VGLL4: variants seen among roughly 807,000 people sequenced by gnomAD.
VGLL4 encodes the protein vestigial like family member 4.
VGLL4 carries 7 observed loss-of-function variants against 21.0 expected under a neutral mutation model. That is an observed-to-expected ratio of 0.33 (90% CI 0.19 to 0.63). VGLL4 has a LOEUF of 0.63. VGLL4 is among the 20% of genes least tolerant of loss of function. The pLI is 0.78. For synonymous variants in VGLL4, 222 were observed against 173.2 expected, an observed-to-expected ratio of 1.28 and a Z score of -2.21; for missense variants, 394 against 425.7, an observed-to-expected ratio of 0.93 and a Z score of 0.66.
intron 1 of VGLL4, among the ~76,000 whole-genome samples, chr3:11,717,567 C>A (rs778535835): frequency 6.1e-4 from 86 of 139,968 alleles, no homozygotes; most frequent in Admixed American, 2.5e-3. Flanking sequence ...TCTGGAACTC[C>A]TGGCCTCAAG....
intron 1 of VGLL4, among the ~76,000 whole-genome samples, chr3:11,634,678 G>GT (rs34133251): frequency 3.4e-5 from 5 of 147,720 alleles, no homozygotes; most frequent in Non-Finnish European, 6.0e-5. Context: ...GAGGACTCAG[G>GT]TTTTTTTTTT....
At position 11,719,218 on chromosome 3, in the gene VGLL4, C is replaced by T. The variant is rs1289382266; in HGVS notation, c.-14+1176G>A. On this transcript the variant is annotated intron_variant, in intron 1 of 5. Coordinates refer to the VGLL4 transcript ENST00000273038. This position sits in a 1 kb window ranked among gnomAD's most constrained non-coding sequence, Gnocchi z 4.0. ...GGCCTCCTCGCCCGCCCCGAGCCTC[C>T]GACTCCCAGGACGTCCTCCGGGAGC... 6.6e-6 allele frequency among the ~76,000 whole-genome samples: 1 copy of T among 152,106 alleles called. No homozygotes were observed. The highest frequency in any genetic ancestry group is 6.5e-5 in the Admixed American group (1 of 15,290).
intron 1 of VGLL4, among the ~76,000 whole-genome samples, chr3:11,602,793 C>G (rs993087456): frequency 6.6e-6 from 1 of 152,184 alleles, no homozygotes; most frequent in African/African-American, 2.4e-5. Flanking sequence ...TAGGCAATCA[C>G]TTTGTGCCTC....
chr3:11,704,662 T>A (rs905967787), intron 1 of VGLL4, among the ~76,000 whole-genome samples: 1 of 152,054 alleles, frequency 6.6e-6, no homozygotes, highest in East Asian at 1.9e-4. Context: ...GTAAATAAGT[T>A]TGAGGAAGCC....
At chr3:11,627,230 A>ACACACACACACACACACT in intron 1 of VGLL4, 1 of 123,322 alleles carries the variant, frequency 8.1e-6, no homozygotes, top group African/African-American at 3.3e-5. Flanking sequence ...ACACACACAC[A>ACACACACACACACACACT]CTCTCTCTCT....
chr3:11,715,195 C>A (rs2124829765), intron 1 of VGLL4, among the ~76,000 whole-genome samples: 1 of 151,342 alleles, frequency 6.6e-6, no homozygotes, highest in East Asian at 1.9e-4. Flanking sequence ...CTTCCCAGAA[C>A]AGCCCAGGTC....
chr3:11,706,841 G>T (rs554485358), intron 1 of VGLL4, among the ~76,000 whole-genome samples: 2 of 152,318 alleles, frequency 1.3e-5, no homozygotes, highest in East Asian at 3.9e-4. Context: ...TGACTAGCTA[G>T]AACTGAAAAT....
chr3:11,583,038 A>G (rs955527425), intron 2 of VGLL4, among the ~76,000 whole-genome samples: 5 of 152,324 alleles, frequency 3.3e-5, no homozygotes, highest in Non-Finnish European at 5.9e-5. Context: ...TGTCTTAGCC[A>G]TACGCCAGCA....
At chr3:11,604,264 G>GCGCCCCCCCCCCCCCC (rs1575442679) in intron 1 of VGLL4, 2 of 571,008 alleles carry the variant, frequency 3.5e-6, no homozygotes, top group African/African-American at 5.2e-5. Context: ...AGCCCAGGAA[G>GCGCCCCCCCCCCCCCC]CACGGTTTGC....
At position 11,605,865 on chromosome 3, in the gene VGLL4, A is replaced by C. The variant is rs542314400; in HGVS notation, c.83-3843T>G. 6.6e-5 allele frequency among the ~76,000 whole-genome samples: 10 copies of C among 152,386 alleles called. No individual in the cohort carries two copies. The South Asian group carries it at 1.4e-3, about 22-fold the overall frequency. On this transcript the variant is annotated intron_variant, in intron 1 of 4. Transcript: ENST00000430365. ...AGTGTTTAAAGATCTATTTAAAAAT[A>C]TAAGAACTCTTACAACAATTAAAAA...
chr3:11,669,455 A>G (rs1186322273), intron 2 of VGLL4, among the ~76,000 whole-genome samples: 1 of 152,214 alleles, frequency 6.6e-6, no homozygotes, highest in Admixed American at 6.5e-5. Flanking sequence ...ATAGTGGAAA[A>G]TATCCTTTGA....
chr3:11,694,087 C>G (rs768661204), intron 2 of VGLL4, among the ~76,000 whole-genome samples: 3 of 152,044 alleles, frequency 2.0e-5, no homozygotes, highest in Non-Finnish European at 4.4e-5. Flanking sequence ...TAAAATGGGA[C>G]TAATTATAGT....
chr3:11,718,815 TATTA>T (rs903085515), intron 1 of VGLL4, among the ~76,000 whole-genome samples: 4 of 152,016 alleles, frequency 2.6e-5, no homozygotes, highest in Admixed American at 6.6e-5. Flanking sequence ...TGCTGGTTCT[TATTA>T]ATCACAGAGA....
At position 11,637,019 on chromosome 3, in the gene VGLL4, T is replaced by A. The variant is rs1286723511; in HGVS notation, c.82+6418A>T. On this transcript the variant is annotated intron_variant, in intron 1 of 4. Transcript: ENST00000430365. ...ACTTTAAAAGATCTCACAAAAAAGATACAAAAGAAGGCATACAGGCATCTC... is the reference window on the plus strand; with the variant it reads ...ACTTTAAAAGATCTCACAAAAAAGAAACAAAAGAAGGCATACAGGCATCTC... Among the ~76,000 whole-genome samples the A allele has an allele frequency of 1.3e-4, 17 of 129,470 alleles. No homozygotes were observed. The East Asian group carries it at 3.2e-3, about 24-fold the overall frequency. 84.9% of individuals were successfully genotyped at this position (129,470 alleles called of 152,430 possible). A position where few individuals can be genotyped will look rare whatever the true frequency, so the allele number is the denominator to read the frequency against.
chr3:11,567,172 C>G (rs1009268994), intron 2 of VGLL4, among the ~76,000 whole-genome samples: 1 of 152,150 alleles, frequency 6.6e-6, no homozygotes, highest in Non-Finnish European at 1.5e-5. Flanking sequence ...CCGAGGCGTT[C>G]CGAGCCTCGG....
chr3:11,701,999 T>G (rs1488391709), intron 2 of VGLL4, among the ~76,000 whole-genome samples: 1 of 152,122 alleles, frequency 6.6e-6, no homozygotes, highest in African/African-American at 2.4e-5. Flanking sequence ...TATTGTTCCT[T>G]TCACCCATCC....
intron 1 of VGLL4, among the ~76,000 whole-genome samples, chr3:11,704,378 C>A (rs35676670): frequency 0.47 from 57,049 of 121,390 alleles, 13,465 homozygotes; most frequent in Non-Finnish European, 0.55. Context: ...AGGGAAACTC[C>A]GTCTCAAAAA....
intron 2 of VGLL4, among the ~76,000 whole-genome samples, chr3:11,671,647 G>C (rs941869362): frequency 6.6e-6 from 1 of 152,116 alleles, no homozygotes; most frequent in African/African-American, 2.4e-5. Context: ...TTGCTCAAGG[G>C]TCAACTGTAT....
intron 2 of VGLL4, among the ~76,000 whole-genome samples, chr3:11,669,927 A>T (rs1267642338): frequency 6.6e-6 from 1 of 152,170 alleles, no homozygotes; most frequent in Non-Finnish European, 1.5e-5. Flanking sequence ...AAGTGCTAAG[A>T]TTACAGGCTT....
Sources: allele counts gnomAD v4.1 joint callset (sites outside exome capture counted in the v4.1 genomes callset), GRCh38; gene constraint gnomAD v4.1.1; non-coding constraint Gnocchi (gnomAD v3.1); transcripts MANE v1.5; gene names NCBI Gene and HGNC (gene_info 2026-07-23, HGNC 2026-07-21).